The following CNTLN variants were observed in gnomAD, a reference collection of about 807,000 sequenced individuals.
CNTLN encodes the protein centlein.
CNTLN carries 212 observed loss-of-function variants against 180.0 expected under a neutral mutation model. That is an observed-to-expected ratio of 1.18 (90% CI 1.05 to 1.32). CNTLN has a LOEUF of 1.32. Ranked by LOEUF, CNTLN falls within the 40% of genes most tolerant of loss-of-function variation. The probability of loss-of-function intolerance (pLI) is 0.00; values close to 1 mark genes in which losing one functional copy is unlikely to be tolerated. For synonymous variants in CNTLN, 722 were observed against 563.1 expected, an observed-to-expected ratio of 1.28 and a Z score of -3.99; for missense variants, 2,095 against 1,610.9, an observed-to-expected ratio of 1.30 and a Z score of -5.14.
At chr9:17,495,229 T>C (rs1260062133) in intron 25 of CNTLN, among the ~76,000 whole-genome samples, 2 of 151,510 alleles carry the variant, frequency 1.3e-5, no homozygotes, top group East Asian at 1.9e-4. Flanking sequence ...CTTATACTTA[T>C]TAAAAAAAAA....
chr9:17,302,097 C>CACACACACACACACACACACACAG (rs905252388), intron 7 of CNTLN: 1 of 950,986 alleles, frequency 1.1e-6, no homozygotes, highest in Non-Finnish European at 1.2e-6. Flanking sequence ...TGTACACACA[C>CACACACACACACACACACACACAG]ACACACACAC....
intron 25 of CNTLN, among the ~76,000 whole-genome samples, chr9:17,500,812 G>A (rs560047557): frequency 1.3e-4 from 20 of 151,264 alleles, no homozygotes; most frequent in South Asian, 8.3e-4. Flanking sequence ...TTAAATGAAA[G>A]TTGCCCTGTA....
chr9:17,424,945 A>G (rs915466149), intron 18 of CNTLN, among the ~76,000 whole-genome samples: 1 of 152,176 alleles, frequency 6.6e-6, no homozygotes, highest in Non-Finnish European at 1.5e-5. Flanking sequence ...AGTTTGTGGT[A>G]TTCTGTTGTA....
intron 6 of CNTLN, among the ~76,000 whole-genome samples, chr9:17,284,760 A>G (rs199729431): frequency 1.1e-4 from 17 of 152,014 alleles, no homozygotes; most frequent in East Asian, 1.9e-4. Context: ...ATCTCCTTCA[A>G]TTCTGCTCTG....
At chr9:17,317,860 G>T (rs1284988577) in intron 8 of CNTLN, among the ~76,000 whole-genome samples, 2 of 152,060 alleles carry the variant, frequency 1.3e-5, no homozygotes, top group African/African-American at 4.8e-5. Context: ...AGAGGTAAAT[G>T]TGGGACAGGT....
chr9:17,522,586 A>G, the CNTLN span, among the ~76,000 whole-genome samples: 3 of 152,248 alleles, frequency 2.0e-5, no homozygotes, highest in East Asian at 5.8e-4. Context: ...AAACTACAGT[A>G]CAGCCTTGCC....
intron 18 of CNTLN, among the ~76,000 whole-genome samples, chr9:17,452,479 G>A (rs1830843072): frequency 6.6e-6 from 1 of 152,206 alleles, no homozygotes; most frequent in South Asian, 2.1e-4. Flanking sequence ...AGGGAAACAA[G>A]CTCTAGCCAG....
intron 1 of CNTLN, among the ~76,000 whole-genome samples, chr9:17,139,518 A>C (rs1447087282): frequency 6.6e-6 from 1 of 151,912 alleles, no homozygotes; most frequent in Non-Finnish European, 1.5e-5. Context: ...AAATTAGCGG[A>C]GTGTGGCAGC....
chr9:17,339,424 C>T (rs1384279835), intron 10 of CNTLN, among the ~76,000 whole-genome samples: 1 of 152,162 alleles, frequency 6.6e-6, no homozygotes, highest in Non-Finnish European at 1.5e-5. Flanking sequence ...GGCTGGGGCC[C>T]CACCACCTAG....
chr9:17,525,239 T>TAA, the CNTLN span, among the ~76,000 whole-genome samples: 170 of 147,470 alleles, frequency 1.2e-3, no homozygotes, highest in African/African-American at 4.0e-3. Context: ...ACTTAACTGA[T>TAA]AAAAAAAAAA....
chr9:17,289,160 C>T lies in CNTLN; in HGVS notation c.984-9030C>T, dbSNP rs1176834517. On this transcript the variant is annotated intron_variant, in intron 6 of 25. Coordinates refer to ENST00000380647, the MANE Select transcript of CNTLN (RefSeq NM_017738.4). ...AGCGGCTGGTACCAGTTGTTCCTTT[C>T]CATGTTTAGCGCTTCCTTCAGGAGC... Among the ~76,000 whole-genome samples the T allele has an allele frequency of 4.3e-5, 5 of 115,648 alleles. No individual in the cohort carries two copies. In the Middle Eastern group the frequency reaches 0.013, roughly 304 times the overall value. The allele number at this position is 115,648 out of a possible 152,430, so 75.9% of individuals were successfully genotyped here. A position where few individuals can be genotyped will look rare whatever the true frequency, so the allele number is the denominator to read the frequency against.
chr9:17,212,844 A>C (rs1823429976), intron 2 of CNTLN, among the ~76,000 whole-genome samples: 2 of 152,160 alleles, frequency 1.3e-5, no homozygotes, highest in South Asian at 4.2e-4. Context: ...ATTTGCATAG[A>C]TGTGTTTATA....
intron 18 of CNTLN, among the ~76,000 whole-genome samples, chr9:17,437,791 T>C (rs1829865031): frequency 6.6e-6 from 1 of 152,060 alleles, no homozygotes; most frequent in Non-Finnish European, 1.5e-5. Context: ...AAAAGGAAAC[T>C]GTGAGATATA....
chr9:17,159,158 T>C (rs72700160), intron 2 of CNTLN, among the ~76,000 whole-genome samples: 22 of 152,308 alleles, frequency 1.4e-4, no homozygotes, highest in Non-Finnish European at 2.9e-5. Context: ...TGATTTCCAA[T>C]TTTGTTCCAT....
At chr9:17,279,476 G>A (rs1828523035) in intron 6 of CNTLN, among the ~76,000 whole-genome samples, 1 of 152,120 alleles carries the variant, frequency 6.6e-6, no homozygotes, top group Non-Finnish European at 1.5e-5. Flanking sequence ...TTTTAAAGGA[G>A]CCGTTGTTTG....
intron 14 of CNTLN, among the ~76,000 whole-genome samples, chr9:17,389,085 A>T (rs10125886): frequency 0.82 from 124,063 of 151,882 alleles, 51,164 homozygotes; most frequent in Non-Finnish European, 0.87. Context: ...TTAACATAGT[A>T]ACTTATATAT....
At chr9:17,419,209 T>C (rs1055624731) in intron 18 of CNTLN, among the ~76,000 whole-genome samples, 1 of 152,154 alleles carries the variant, frequency 6.6e-6, no homozygotes, top group African/African-American at 2.4e-5. Context: ...AATGGTATAC[T>C]AGGTAAATGG....
chr9:17,263,288 T>G (rs1827150617), intron 5 of CNTLN, among the ~76,000 whole-genome samples: 1 of 146,360 alleles, frequency 6.8e-6, no homozygotes, highest in African/African-American at 2.6e-5. Flanking sequence ...TGAGAACATG[T>G]GGTGTTTGGC....
intron 18 of CNTLN, among the ~76,000 whole-genome samples, chr9:17,456,601 AT>A (rs1356872569): frequency 6.6e-6 from 1 of 152,190 alleles, no homozygotes; most frequent in Non-Finnish European, 1.5e-5. Flanking sequence ...CTTTAGCTAC[AT>A]CTTTTGCTAT....
Sources: gnomAD v4.1 joint callset for allele counts (sites outside exome capture counted in the v4.1 genomes callset) on GRCh38, gnomAD v4.1.1 for gene constraint, MANE v1.5 for transcripts, NCBI Gene and HGNC (gene_info 2026-07-23, HGNC 2026-07-21) for gene names.